ASIC5: variants seen among roughly 807,000 people sequenced by gnomAD.
ASIC5 encodes bile acid-sensitive ion channel.
In ASIC5, 52 loss-of-function variants were observed where a neutral mutation model predicts 51.2. The ratio of observed to expected loss-of-function variants is 1.02; its 90% CI spans 0.81 to 1.28. The LOEUF (loss-of-function observed/expected upper bound fraction) is 1.28, where lower values mean the gene tolerates loss of function less well. Ranked by LOEUF, ASIC5 falls within the 50% of genes most tolerant of loss-of-function variation. ASIC5 has a pLI of 0.00. For synonymous variants in ASIC5, 231 were observed against 200.7 expected (o/e 1.15, Z -1.28); for missense variants, 635 against 595.0 (o/e 1.07, Z -0.70).
In ASIC5 at chr4:155,829,949, G is replaced by A; in HGVS notation, c.1425C>T (p.Cys475=). The A allele has an allele frequency of 6.2e-7, 1 of 1,605,826 alleles. No individual in the cohort carries two copies. Among genetic ancestry groups the A allele is most frequent in the Non-Finnish European group, 8.5e-7 (1 of 1,176,110 alleles). The change falls in exon 10 of 10, where the codon TGC becomes TGT. Residue 475 remains cysteine, a synonymous_variant. Transcript: ENST00000537611. ...EYLFTNFYWI[C]IFFLLKISEM... Reference sequence around the variant, plus strand: ...CAGATATCTTCAGCAAAAAGAAAATGCATATCCAGTAGAAATTGGTGAATA... The same window carrying A: ...CAGATATCTTCAGCAAAAAGAAAATACATATCCAGTAGAAATTGGTGAATA...
Position 155,854,115 on chromosome 4 carries a change from A to C in ASIC5, c.547T>G (p.Leu183Val). ...KGFYLNNSTL[L>V]DCEFFGKPCS... ...GGCTTTCCAAAAAACTCACAGTCCA[A>C]CAAAGTGCTATTGTTGAGATAAAAA... The change falls in exon 3 of 10, where the codon TTG becomes GTG. Residue 183 changes from leucine to valine, a missense_variant. Physicochemically the swap from Leu to Val is conservative, Grantham distance 32. Transcript: ENST00000537611. 6.2e-7 allele frequency: 1 copy of C among 1,613,302 alleles called. No homozygotes were observed. Among genetic ancestry groups the C allele is most frequent in the Non-Finnish European group, 8.5e-7 (1 of 1,179,578 alleles).
chr4:155,845,732 AG>A (rs1447261031), intron 4 of ASIC5, among the ~76,000 whole-genome samples: 1 of 152,170 alleles, frequency 6.6e-6, no homozygotes, highest in African/African-American at 2.4e-5. Flanking sequence ...ATTTTATGTT[AG>A]ATTTGGCTCA....
chr4:155,840,955 A>G (rs1741104139), intron 6 of ASIC5, among the ~76,000 whole-genome samples: 1 of 151,898 alleles, frequency 6.6e-6, no homozygotes, highest in Non-Finnish European at 1.5e-5. Context: ...ACTCAGCGCA[A>G]AAAGACAGCT....
intron 7 of ASIC5, among the ~76,000 whole-genome samples, chr4:155,838,335 G>C (rs1741038126): frequency 6.6e-6 from 1 of 152,064 alleles, no homozygotes; most frequent in African/African-American, 2.4e-5. Context: ...TCTTTAATAA[G>C]AACTTGTCCC....
intron 8 of ASIC5, among the ~76,000 whole-genome samples, chr4:155,832,839 T>A (rs955122111): frequency 9.2e-5 from 14 of 152,140 alleles, no homozygotes; most frequent in Admixed American, 2.6e-4. Flanking sequence ...ACCTCTCACC[T>A]GGATTTTTGC....
intron 3 of ASIC5, among the ~76,000 whole-genome samples, chr4:155,852,910 G>A (rs879310707): frequency 8.6e-5 from 13 of 151,896 alleles, no homozygotes; most frequent in Non-Finnish European, 1.0e-4. Context: ...GAGTCTAGGG[G>A]GAGTCAGCAG....
At position 155,831,920 on chromosome 4, in the gene ASIC5, G is replaced by C; in HGVS notation, c.1236-5C>G. The C allele has an allele frequency of 1.4e-6, 2 of 1,442,158 alleles. No individual in the cohort carries two copies. 89.3% of individuals were successfully genotyped at this position (1,442,158 alleles called of 1,614,324 possible). ...TCAATTTTTACAAGATTCTCCCTAG[G>C]GATAAAAAAGAGAGTTAATATAGCT... On this transcript the variant is annotated splice_polypyrimidine_tract_variant and splice_region_variant and intron_variant, in intron 8 of 9. Coordinates refer to ENST00000537611, the MANE Select transcript of ASIC5 (RefSeq NM_017419.3).
chr4:155,864,182 A>G (rs1741797872), intron 1 of ASIC5, among the ~76,000 whole-genome samples: 1 of 152,060 alleles, frequency 6.6e-6, no homozygotes, highest in Admixed American at 6.6e-5. Flanking sequence ...GCTAAAAGTA[A>G]TCTGTTCTTA....
At chr4:155,858,437 G>A (rs1741603124) in intron 2 of ASIC5, among the ~76,000 whole-genome samples, 1 of 152,056 alleles carries the variant, frequency 6.6e-6, no homozygotes, top group African/African-American at 2.4e-5. Context: ...TTTTGATGAA[G>A]TCGTTGACAA....
chr4:155,841,507 C>T (rs538622326), intron 6 of ASIC5, among the ~76,000 whole-genome samples: 6 of 152,108 alleles, frequency 3.9e-5, no homozygotes, highest in Non-Finnish European at 8.8e-5. Flanking sequence ...TGGTTGAGAT[C>T]CAGCTCTTAT....
chr4:155,841,086 TG>T (rs1279210600), intron 6 of ASIC5, among the ~76,000 whole-genome samples: 1 of 152,166 alleles, frequency 6.6e-6, no homozygotes, highest in African/African-American at 2.4e-5. Flanking sequence ...TCAGGGAGAC[TG>T]ATTTGAGTCA....
chr4:155,841,596 G>A (rs1255267778), intron 6 of ASIC5, among the ~76,000 whole-genome samples: 1 of 152,118 alleles, frequency 6.6e-6, no homozygotes, highest in East Asian at 1.9e-4. Context: ...ATGAAAAGGA[G>A]GCCTGAAGTT....
At chr4:155,844,295 T>A (rs1476442656) in intron 4 of ASIC5, among the ~76,000 whole-genome samples, 1 of 151,952 alleles carries the variant, frequency 6.6e-6, no homozygotes, top group Non-Finnish European at 1.5e-5. Context: ...CTGAGGTTCA[T>A]TCGCTATTAA....
chr4:155,863,627 G>A lies in ASIC5; in HGVS notation c.168C>T (p.Asn56=). The change falls in exon 2 of 10, where the codon AAC becomes AAT. Residue 56 remains asparagine (N), a synonymous_variant. Transcript: ENST00000537611. ...AGAGCACCCTGCGAATTTTGCTCCG[G>A]TTCTGAACAATATTGTGTATCCCAT... The part of the protein sequence containing the change: ...SFHGIHNIVQ[N]RSKIRRVLWL... 6.2e-7 allele frequency: 1 copy of A among 1,613,802 alleles called. No homozygotes were observed. The highest frequency in any genetic ancestry group is 8.5e-7 in the Non-Finnish European group (1 of 1,179,914).
rs1482793285 is a variant in ASIC5, at chr4:155,829,950, C to A, written c.1424G>T (p.Cys475Phe). ...AGATATCTTCAGCAAAAAGAAAATG[C>A]ATATCCAGTAGAAATTGGTGAATAG... ...EYLFTNFYWI[C>F]IFFLLKISEM... The change falls in exon 10 of 10, where the codon TGC becomes TTC. Residue 475 changes from cysteine to phenylalanine, a missense_variant. Transcript: ENST00000537611. 7.5e-6 allele frequency: 12 copies of A among 1,605,160 alleles called. No homozygotes were observed. In the East Asian group the frequency reaches 2.7e-4, roughly 36 times the overall value.
At chr4:155,852,789 A>G (rs1309631729) in intron 3 of ASIC5, among the ~76,000 whole-genome samples, 1 of 151,934 alleles carries the variant, frequency 6.6e-6, no homozygotes, top group African/African-American at 2.4e-5. Flanking sequence ...CTTAAACCTC[A>G]CCTTCTTGCC....
intron 2 of ASIC5, among the ~76,000 whole-genome samples, chr4:155,855,722 G>A (rs1035725273): frequency 6.7e-6 from 1 of 148,736 alleles, no homozygotes; most frequent in Admixed American, 6.8e-5. Flanking sequence ...ATATCTATAT[G>A]TGTGTGTATA....
intron 2 of ASIC5, among the ~76,000 whole-genome samples, chr4:155,863,213 AC>A (rs1350014133): frequency 1.3e-5 from 2 of 152,070 alleles, no homozygotes; most frequent in Admixed American, 6.6e-5. Context: ...TTGGGATGTT[AC>A]CTAGAATATG....
In ASIC5 at chr4:155,831,870, A is replaced by G; in HGVS notation, c.1281T>C (p.Tyr427=). The change falls in exon 9 of 10, where the codon TAT becomes TAC. Residue 427 remains tyrosine (Y), a synonymous_variant. Transcript: ENST00000537611. ...KIEINYSDLN[Y]KITQQQKAVS... ...CCGCCTTTTGCTGCTGGGTTATCTT[A>G]TAGTTTAGGTCACTATAGTTAATTT... The G allele has an allele frequency of 1.9e-6, 3 of 1,609,520 alleles. No individual in the cohort carries two copies. The highest frequency in any genetic ancestry group is 2.6e-6 in the Non-Finnish European group (3 of 1,176,172).
Sources: gnomAD v4.1 joint callset for allele counts (sites outside exome capture counted in the v4.1 genomes callset) on GRCh38, gnomAD v4.1.1 for gene constraint, MANE v1.5 for transcripts, NCBI Gene and HGNC (gene_info 2026-07-23, HGNC 2026-07-21) for gene names.